Variants in DIS3L2 observed in about 807,000 individuals in gnomAD.
The protein encoded by DIS3L2 is DIS3 like 3'-5' exoribonuclease 2.
DIS3L2 carries 34 observed loss-of-function variants against 97.5 expected under a neutral mutation model. The observed-to-expected ratio is 0.35, with a 90% CI of 0.27 to 0.46. The LOEUF (loss-of-function observed/expected upper bound fraction) is 0.46, where lower values mean the gene tolerates loss of function less well. Ranked by LOEUF, DIS3L2 falls within the 20% of genes least tolerant of loss-of-function variation. The probability of loss-of-function intolerance (pLI) is 1.00; values close to 1 mark genes in which losing one functional copy is unlikely to be tolerated. For synonymous variants in DIS3L2, 435 were observed against 445.2 expected (o/e 0.98, Z 0.29); for missense variants, 1,038 against 1,146.0 (o/e 0.91, Z 1.36).
At chr2:232,090,565 T>TA (rs1477926705) in intron 6 of DIS3L2, among the ~76,000 whole-genome samples, 1 of 152,228 alleles carries the variant, frequency 6.6e-6, no homozygotes, top group South Asian at 2.1e-4. Context: ...CTTGGGATAA[T>TA]AAAAAAAATC....
intron 9 of DIS3L2, among the ~76,000 whole-genome samples, chr2:232,194,601 C>G (rs1024559690): frequency 6.6e-6 from 1 of 152,142 alleles, no homozygotes; most frequent in African/African-American, 2.4e-5. Flanking sequence ...ATTGTACGTT[C>G]TAAGAATTGA....
Position 232,304,427 on chromosome 2 carries a change from A to G in DIS3L2, c.1739+4308A>G, listed in dbSNP as rs889451588. Among the ~76,000 whole-genome samples the G allele has an allele frequency of 2.6e-5, 4 of 152,190 alleles. No individual in the cohort carries two copies. In the South Asian group the frequency reaches 8.3e-4, roughly 32 times the overall value. On this transcript the variant is annotated intron_variant, in intron 14 of 20. Transcript: ENST00000325385. ...GCATGCCCTCAGGGTTTGTATAAGGAGCAAAGCGCACTCCAGCACCCTGTG... is the reference window on the plus strand; with the variant it reads ...GCATGCCCTCAGGGTTTGTATAAGGGGCAAAGCGCACTCCAGCACCCTGTG...
chr2:232,200,052 T>G (rs1691848893), intron 9 of DIS3L2, among the ~76,000 whole-genome samples: 1 of 152,172 alleles, frequency 6.6e-6, no homozygotes, highest in South Asian at 2.1e-4. Context: ...GAAATCAAAC[T>G]TAATAGGTTT....
At position 232,017,001 on chromosome 2, in the gene DIS3L2, C is replaced by T. The variant is rs1396860640; in HGVS notation, c.210+1330C>T. Among the ~76,000 whole-genome samples the T allele has an allele frequency of 4.0e-5, 6 of 149,042 alleles. No homozygotes were observed. The East Asian group carries it at 6.1e-4, about 15-fold the overall frequency. On this transcript the variant is annotated intron_variant, in intron 3 of 20. Transcript: ENST00000325385. ...GTATTTATCTGTGGTCAAGTGCACA[C>T]GTGCACAAGAAAGAAGAAAGAAAAC...
rs779277888 is a variant in DIS3L2 at position 232,015,546 on chromosome 2, G to C, written c.85G>C (p.Gly29Arg). The change falls in exon 3 of 21, where the codon GGT (glycine) becomes CGT (arginine). Residue 29 changes from glycine to arginine, a missense_variant. Transcript: ENST00000325385. ...VSAVAGPHDI[G>R]ASPGDKKSKN... Reference sequence around the variant, plus strand: ...TGCTGTGGCTGGTCCACATGACATTGGTGCTTCGCCAGGTGACAAAAAGTC... The same window carrying C: ...TGCTGTGGCTGGTCCACATGACATTCGTGCTTCGCCAGGTGACAAAAAGTC... 9 of 1,613,870 alleles carry C rather than the reference G, an allele frequency of 5.6e-6. No individual in the cohort carries two copies. The highest frequency in any genetic ancestry group is 7.6e-6 in the Non-Finnish European group (9 of 1,179,942).
chr2:232,235,950 T>TGAAA (rs1274228450), intron 10 of DIS3L2, among the ~76,000 whole-genome samples: 3 of 152,212 alleles, frequency 2.0e-5, no homozygotes, highest in East Asian at 3.9e-4. Context: ...TCATGCTGGT[T>TGAAA]CCTCTCAGCT....
chr2:232,037,066 G>A lies in DIS3L2; in HGVS notation c.366+6986G>A, dbSNP rs1694970624. Among the ~76,000 whole-genome samples the A allele has an allele frequency of 6.6e-6, 1 of 152,232 alleles. No homozygotes were observed. The highest frequency in any genetic ancestry group is 1.5e-5 in the Non-Finnish European group (1 of 68,036). Reference sequence around the variant, plus strand: ...TCCCTTAGCAGAGCTAGAGCGCTGTGCTGGGAGATCTGCTGCTCTCTTCAG... The same window carrying A: ...TCCCTTAGCAGAGCTAGAGCGCTGTACTGGGAGATCTGCTGCTCTCTTCAG... On this transcript the variant is annotated intron_variant, in intron 5 of 20. Transcript: ENST00000325385. The surrounding 1 kb of genome is among the most constrained non-coding windows in gnomAD (Gnocchi z 4.6).
chr2:232,297,255 C>G (rs1694745571), intron 13 of DIS3L2, among the ~76,000 whole-genome samples: 1 of 152,222 alleles, frequency 6.6e-6, no homozygotes, highest in Non-Finnish European at 1.5e-5. Context: ...GCCATGGCTT[C>G]TCTCTTCTGG....
chr2:232,088,390 C>CAA (rs778505065), intron 6 of DIS3L2, among the ~76,000 whole-genome samples: 3,621 of 55,640 alleles, frequency 0.065, 352 homozygotes, highest in East Asian at 0.46. Flanking sequence ...ACTAAAAATA[C>CAA]AAAAAAAAAA....
At chr2:232,288,878 T>A (rs1189726783) in intron 13 of DIS3L2, among the ~76,000 whole-genome samples, 1 of 152,226 alleles carries the variant, frequency 6.6e-6, no homozygotes, top group Non-Finnish European at 1.5e-5. Context: ...CCAAAAAGAT[T>A]TTGAGAGGAC....
chr2:232,302,512 C>T (rs1365836704), intron 14 of DIS3L2, among the ~76,000 whole-genome samples: 3 of 151,722 alleles, frequency 2.0e-5, no homozygotes, highest in Admixed American at 6.6e-5. Context: ...AGACAACTTT[C>T]CTAACCTCTC....
At chr2:232,088,285 G>T (rs770254752) in intron 6 of DIS3L2, among the ~76,000 whole-genome samples, 1 of 150,090 alleles carries the variant, frequency 6.7e-6, no homozygotes, top group African/African-American at 2.5e-5. Flanking sequence ...GGTGGCTCAC[G>T]CCTGTAATCC....
chr2:232,136,427 A>G (rs1442103386), intron 7 of DIS3L2, 45 bp from the exon 8 acceptor site: 2 of 1,603,750 alleles, frequency 1.2e-6, no homozygotes, highest in East Asian at 4.5e-5. Flanking sequence ...AGTGTAATTC[A>G]GTTCTGCAGA....
chr2:232,239,308 A>T (rs1438094270), intron 11 of DIS3L2, among the ~76,000 whole-genome samples: 1 of 152,222 alleles, frequency 6.6e-6, no homozygotes, highest in Non-Finnish European at 1.5e-5. Context: ...ATAGGTAACC[A>T]TGAGAATCCA....
chr2:232,235,913 G>A (rs187414917), intron 10 of DIS3L2, among the ~76,000 whole-genome samples: 1 of 152,304 alleles, frequency 6.6e-6, no homozygotes, highest in Admixed American at 6.5e-5. Flanking sequence ...CTGCGTGCCT[G>A]TCAGAATGAG....
intron 5 of DIS3L2, among the ~76,000 whole-genome samples, chr2:232,073,219 A>G (rs193247577): frequency 1.3e-5 from 2 of 152,254 alleles, no homozygotes; most frequent in South Asian, 2.1e-4. Context: ...TTGTTAAAAC[A>G]TGTGTGGCAA....
chr2:232,142,862 A>G (rs937927195), intron 8 of DIS3L2, among the ~76,000 whole-genome samples: 8 of 152,084 alleles, frequency 5.3e-5, no homozygotes, highest in African/African-American at 1.9e-4. Context: ...GGTATAGTTG[A>G]TGTTTGATTG....
At chr2:232,181,833 G>A (rs1691284767) in intron 9 of DIS3L2, among the ~76,000 whole-genome samples, 1 of 151,938 alleles carries the variant, frequency 6.6e-6, no homozygotes, top group Admixed American at 6.6e-5. Context: ...TTGTTTTTTA[G>A]TAATGATGGG....
intron 3 of DIS3L2, chr2:232,023,149 A>G (rs1694566099): frequency 6.6e-6 from 1 of 152,134 alleles, no homozygotes; most frequent in African/African-American, 2.4e-5. Context: ...CCTCTGCTTT[A>G]TGTTTTCCTT....
Sources: allele counts gnomAD v4.1 joint callset (sites outside exome capture counted in the v4.1 genomes callset), GRCh38; gene constraint gnomAD v4.1.1; non-coding constraint Gnocchi (gnomAD v3.1); transcripts MANE v1.5; gene names NCBI Gene and HGNC (gene_info 2026-07-23, HGNC 2026-07-21).